The following TMEM41B variants were observed in gnomAD, a reference collection of about 807,000 sequenced individuals.
The protein encoded by TMEM41B is protein stasimon.
TMEM41B carries 18 observed loss-of-function variants against 31.9 expected under a neutral mutation model. That is an observed-to-expected ratio of 0.56 (90% CI 0.39 to 0.84). TMEM41B has a LOEUF of 0.84. TMEM41B is among the 40% of genes least tolerant of loss of function. The pLI, the probability that TMEM41B is intolerant of heterozygous loss-of-function variation, is 0.00. For synonymous variants in TMEM41B, 144 were observed against 124.3 expected (o/e 1.16, Z -1.05); for missense variants, 322 against 348.0 (o/e 0.93, Z 0.59).
At chr11:9,286,929 G>A (rs1228907448) in intron 5 of TMEM41B, among the ~76,000 whole-genome samples, 1 of 151,748 alleles carries the variant, frequency 6.6e-6, no homozygotes, top group Non-Finnish European at 1.5e-5. Context: ...GAACCCGGGA[G>A]GCAGAGGTTG....
At chr11:9,288,822 G>A (rs1852893845) in intron 3 of TMEM41B, among the ~76,000 whole-genome samples, 1 of 152,114 alleles carries the variant, frequency 6.6e-6, no homozygotes, top group South Asian at 2.1e-4. Context: ...TAATCTTTTA[G>A]TGCTTCTCTA....
At chr11:9,290,544 TATA>T (rs1431924105) in intron 3 of TMEM41B, among the ~76,000 whole-genome samples, 1 of 125,546 alleles carries the variant, frequency 8.0e-6, no homozygotes, top group Non-Finnish European at 1.8e-5. Flanking sequence ...GAACTTAAAG[TATA>T]ATAATAAAAA....
Position 9,284,238 on chromosome 11 carries a change from G to C in TMEM41B, c.707-645C>G, listed in dbSNP as rs377402632. 5.9e-5 allele frequency among the ~76,000 whole-genome samples: 9 copies of C among 151,422 alleles called. No individual in the cohort carries two copies. The East Asian group carries it at 1.6e-3, about 26-fold the overall frequency. Reference sequence around the variant, plus strand: ...TCACTCATTGCAGCCTCAGTCTCTCGAGGCTCAGGTGATTGTCCCACCTCA... The same window carrying C: ...TCACTCATTGCAGCCTCAGTCTCTCCAGGCTCAGGTGATTGTCCCACCTCA... On this transcript the variant is annotated intron_variant, in intron 6 of 6. Coordinates refer to ENST00000528080, the MANE Select transcript of TMEM41B (RefSeq NM_015012.4).
At position 9,288,434 on chromosome 11, in the gene TMEM41B, A is replaced by G. The variant is rs1221869017; in HGVS notation, c.462+8T>C. 3.8e-6 allele frequency: 6 copies of G among 1,559,920 alleles called. No homozygotes were observed. The African/African-American group carries it at 5.6e-5, about 14-fold the overall frequency. On this transcript the variant is annotated splice_region_variant and intron_variant, in intron 4 of 6. Transcript: ENST00000528080. ...TTCAGTCTCCCAATTTTATTTTTTCATACTTACCAAACAAACAAGAAATAA... is the reference window on the plus strand; with the variant it reads ...TTCAGTCTCCCAATTTTATTTTTTCGTACTTACCAAACAAACAAGAAATAA...
At chr11:9,284,788 C>T (rs1167769738) in intron 6 of TMEM41B, among the ~76,000 whole-genome samples, 6 of 81,036 alleles carry the variant, frequency 7.4e-5, no homozygotes, top group South Asian at 4.4e-4. Flanking sequence ...AAGAAAGAAA[C>T]GTGCTCTGTT....
rs1044659221 is a variant in TMEM41B, at chr11:9,281,751, A to C, written c.*1673T>G. 2.6e-5 allele frequency: 4 copies of C among 151,754 alleles called. No homozygotes were observed. The highest frequency in any genetic ancestry group is 9.7e-5 in the African/African-American group (4 of 41,094). 9.4% of individuals were successfully genotyped at this position (151,754 alleles called of 1,614,324 possible). A position where few individuals can be genotyped will look rare whatever the true frequency, so the allele number is the denominator to read the frequency against. On this transcript the variant is annotated 3_prime_UTR_variant, in exon 7 of 7. Transcript: ENST00000528080. ...TTAATTTTACTTTGTGAGTTAGATA[A>C]AGTAAAGACTAAATTGGGAAACTGC... is the stretch of plus-strand genomic sequence containing the variant.
intron 1 of TMEM41B, among the ~76,000 whole-genome samples, chr11:9,310,730 G>T (rs1853540177): frequency 6.9e-6 from 1 of 144,520 alleles, no homozygotes; most frequent in Non-Finnish European, 1.5e-5. Context: ...ACAAGAATAG[G>T]ACCTGAGATA....
intron 1 of TMEM41B, chr11:9,311,792 A>T (rs1853568323): frequency 1.8e-6 from 1 of 568,708 alleles, no homozygotes; most frequent in Non-Finnish European, 3.2e-6. Context: ...CATCTTCATC[A>T]TGCAAAAATT....
At chr11:9,285,812 C>CA (rs59531093) in intron 6 of TMEM41B, among the ~76,000 whole-genome samples, 9,028 of 70,468 alleles carry the variant, frequency 0.13, 313 homozygotes, top group Middle Eastern at 0.18. Context: ...GCAACATTTA[C>CA]AAAAAAAAAA....
Position 9,295,323 on chromosome 11 carries a change from A to C in TMEM41B, c.304T>G (p.Leu102Val). The change falls in exon 3 of 7, where the codon TTA becomes GTA. Residue 102 changes from leucine (L) to valine (V), a missense_variant. By Grantham distance (32) the Leu-to-Val change is conservative (BLOSUM62 1). Transcript: ENST00000528080. The stretch of plus-strand genomic sequence containing the variant: ...TAAAAGGTGTCCTTGTATTTGGATA[A>C]AACTTTTCCTAGAGCCTTGGCATCA... ...MDDAKALGKV[L>V]SKYKDTFYVQ... 6.2e-7 allele frequency: 1 copy of C among 1,600,574 alleles called. No individual in the cohort carries two copies. The highest frequency in any genetic ancestry group is 1.7e-4 in the Middle Eastern group (1 of 5,896).
rs1270012575 is a variant in TMEM41B at position 9,286,354 on chromosome 11, CT to C, written c.706+100del. 3 of 1,217,424 alleles carry C rather than the reference CT, an allele frequency of 2.5e-6. No homozygotes were observed. The African/African-American group carries it at 4.6e-5, about 19-fold the overall frequency. 75.4% of individuals were successfully genotyped at this position (1,217,424 alleles called of 1,614,324 possible). ...TTGTGCCCAAGAATTCTAGATGGTG[CT>C]GGCATAATCTGCAGAGAGCATGCAT... is the stretch of plus-strand genomic sequence containing the variant. On this transcript the variant is annotated intron_variant, in intron 6 of 6. Coordinates refer to ENST00000528080, the MANE Select transcript of TMEM41B (RefSeq NM_015012.4).
chr11:9,288,589 C>T, intron 3 of TMEM41B, 54 bp from the exon 4 acceptor site: 1 of 1,258,180 alleles, frequency 7.9e-7, no homozygotes. Context: ...TTTTAAAAGA[C>T]AAATGTAACA....
intron 2 of TMEM41B, among the ~76,000 whole-genome samples, chr11:9,297,556 G>C (rs908182161): frequency 4.2e-4 from 64 of 152,090 alleles, no homozygotes; most frequent in African/African-American, 1.5e-3. Flanking sequence ...GCTGGGCATG[G>C]TGGCATACAT....
At chr11:9,293,829 G>A (rs988104437) in intron 3 of TMEM41B, among the ~76,000 whole-genome samples, 12 of 152,036 alleles carry the variant, frequency 7.9e-5, no homozygotes, top group African/African-American at 1.7e-4. Flanking sequence ...TGATTCACCC[G>A]CCTCGGGCTC....
At chr11:9,298,775 G>GA (rs35116259) in intron 2 of TMEM41B, among the ~76,000 whole-genome samples, 53,713 of 143,578 alleles carry the variant, frequency 0.37, 10,441 homozygotes, top group East Asian at 0.51. Context: ...CTCAAATGAA[G>GA]AAAAAAAAAA....
chr11:9,303,888 G>T (rs541377371), intron 1 of TMEM41B, among the ~76,000 whole-genome samples: 1 of 151,990 alleles, frequency 6.6e-6, no homozygotes, highest in African/African-American at 2.4e-5. Context: ...GGCTGGTCTC[G>T]AACTCCTGAC....
At chr11:9,294,045 A>G (rs1268252179) in intron 3 of TMEM41B, among the ~76,000 whole-genome samples, 2 of 151,758 alleles carry the variant, frequency 1.3e-5, no homozygotes, top group Non-Finnish European at 2.9e-5. Context: ...CCCAAATTTA[A>G]CTGGGTGTGC....
At chr11:9,306,179 A>C (rs61064153) in intron 1 of TMEM41B, among the ~76,000 whole-genome samples, 3 of 150,824 alleles carry the variant, frequency 2.0e-5, no homozygotes, top group African/African-American at 7.3e-5. Context: ...GGGTTTCACC[A>C]TGTTGGCCAG....
At chr11:9,292,859 C>A (rs182709718) in intron 3 of TMEM41B, among the ~76,000 whole-genome samples, 22 of 152,070 alleles carry the variant, frequency 1.4e-4, no homozygotes, top group African/African-American at 5.1e-4. Context: ...GTAGCTGCAT[C>A]ATTTTGCATT....
Sources: allele counts gnomAD v4.1 joint callset (sites outside exome capture counted in the v4.1 genomes callset), GRCh38; gene constraint gnomAD v4.1.1; transcripts MANE v1.5; gene names NCBI Gene and HGNC (gene_info 2026-07-23, HGNC 2026-07-21).